Variants in TRAPPC8 observed in about 807,000 individuals in gnomAD.
TRAPPC8 encodes the protein general sporulation gene 1 homolog.
In TRAPPC8, 54 loss-of-function variants were observed where a neutral mutation model predicts 174.3. That is an observed-to-expected ratio of 0.31 (90% confidence interval 0.25 to 0.39). The LOEUF (loss-of-function observed/expected upper bound fraction) is 0.39. Ranked by LOEUF, TRAPPC8 falls within the 10% of genes least tolerant of loss-of-function variation. TRAPPC8 has a pLI of 1.00. For synonymous variants in TRAPPC8, 630 were observed against 579.9 expected (o/e 1.09, Z -1.24); for missense variants, 1,531 against 1,699.1 (o/e 0.90, Z 1.74).
chr18:31,904,960 GT>G (rs1737068543), intron 9 of TRAPPC8, among the ~76,000 whole-genome samples: 1 of 151,596 alleles, frequency 6.6e-6, no homozygotes, highest in Non-Finnish European at 1.5e-5. Context: ...AACCCAGGAG[GT>G]GGAGGATGCA....
intron 25 of TRAPPC8, among the ~76,000 whole-genome samples, chr18:31,848,469 A>G (rs2033528427): frequency 6.6e-6 from 1 of 152,206 alleles, no homozygotes; most frequent in Non-Finnish European, 1.5e-5. Flanking sequence ...ATATGATTCT[A>G]AAGTTCGGAA....
rs2032329087 is a variant in TRAPPC8, at chr18:31,830,987, G to A, written c.4076C>T (p.Pro1359Leu). ...IVDLRHKTTS[P>L]EALEIHGSFT... Reference sequence around the variant, plus strand: ...TGATCCATGGATTTCCAGTGCTTCTGGACTAAGGGAGGAGGAAAATGTAAG... The same window carrying A: ...TGATCCATGGATTTCCAGTGCTTCTAGACTAAGGGAGGAGGAAAATGTAAG... Residue 1359 changes from proline (P) to leucine (L), a missense_variant and splice_region_variant, in exon 29 of 29, where the codon CCA becomes CTA. Pro to Leu is a moderately conservative substitution (Grantham distance 98). Coordinates refer to ENST00000283351, the MANE Select transcript of TRAPPC8 (RefSeq NM_014939.5). 1 of 1,593,466 alleles carries A rather than the reference G, an allele frequency of 6.3e-7. No individual in the cohort carries two copies. The highest frequency in any genetic ancestry group is 8.6e-7 in the Non-Finnish European group (1 of 1,169,472).
At chr18:31,918,198 C>T (rs1232884408) in intron 2 of TRAPPC8, among the ~76,000 whole-genome samples, 1 of 151,962 alleles carries the variant, frequency 6.6e-6, no homozygotes, top group Middle Eastern at 3.2e-3. Context: ...AGAATATATT[C>T]ACACAAGAAT....
chr18:31,889,465 T>G (rs974313639), intron 12 of TRAPPC8, among the ~76,000 whole-genome samples: 1 of 152,186 alleles, frequency 6.6e-6, no homozygotes, highest in East Asian at 1.9e-4. Context: ...TAATGGGACA[T>G]ATATTTTCTT....
intron 28 of TRAPPC8, 94 bp downstream of exon 28, chr18:31,831,990 T>C (rs2032401414): frequency 2.5e-6 from 2 of 815,150 alleles, no homozygotes; most frequent in Non-Finnish European, 3.7e-6. Context: ...CAAGCTTGAG[T>C]AACTTTCTTA....
chr18:31,852,539 T>C (rs774626140), intron 23 of TRAPPC8, 35 bp from the exon 24 acceptor site: 5 of 1,613,974 alleles, frequency 3.1e-6, no homozygotes, highest in South Asian at 1.1e-5. Context: ...AATCATATCA[T>C]TGGCATAAAA....
At position 31,834,251 on chromosome 18, in the gene TRAPPC8, C is replaced by T. The variant is rs573993474; in HGVS notation, c.3984-2078G>A. Among the ~76,000 whole-genome samples the T allele has an allele frequency of 4.6e-5, 7 of 151,956 alleles. No homozygotes were observed. In the East Asian group the frequency reaches 5.9e-4, roughly 13 times the overall value. On this transcript the variant is annotated intron_variant, in intron 27 of 28. Coordinates refer to ENST00000283351, the MANE Select transcript of TRAPPC8 (RefSeq NM_014939.5). The stretch of plus-strand genomic sequence containing the variant: ...CCTCCCCAGTAGCTGGGATTACAAG[C>T]GCTCGCCACCACACCCGGCTAATTT...
intron 2 of TRAPPC8, among the ~76,000 whole-genome samples, chr18:31,930,594 T>C (rs1000471592): frequency 6.6e-6 from 1 of 152,198 alleles, no homozygotes; most frequent in Non-Finnish European, 1.5e-5. Flanking sequence ...TTTTTAATAT[T>C]GGAAAACAGT....
chr18:31,840,097 G>A (rs138042669), intron 26 of TRAPPC8, among the ~76,000 whole-genome samples: 9 of 152,242 alleles, frequency 5.9e-5, no homozygotes, highest in Admixed American at 2.6e-4. Context: ...GGTGGCTCAC[G>A]TCTGTAATCC....
At chr18:31,862,801 T>G (rs2034396042) in intron 19 of TRAPPC8, among the ~76,000 whole-genome samples, 1 of 151,938 alleles carries the variant, frequency 6.6e-6, no homozygotes, top group African/African-American at 2.4e-5. Context: ...TTAAAAGAGT[T>G]CCCAAGCACT....
rs113974753 is a variant in TRAPPC8, at chr18:31,874,087, C to T, written c.1953+393G>A. 1.8e-3 allele frequency: 420 copies of T among 231,048 alleles called. 2 individuals carry two copies. The highest frequency in any genetic ancestry group is 8.6e-3 in the African/African-American group (376 of 43,858). 14.3% of individuals were successfully genotyped at this position (231,048 alleles called of 1,614,324 possible). A position where few individuals can be genotyped will look rare whatever the true frequency, so the allele number is the denominator to read the frequency against. On this transcript the variant is annotated intron_variant, in intron 13 of 28. Coordinates refer to ENST00000283351, the MANE Select transcript of TRAPPC8 (RefSeq NM_014939.5). ...TCTACTTTCCACAGATCCATACCCC[C>T]TCATCTTTCACAAGGAAAAGAACAT... is the stretch of plus-strand genomic sequence containing the variant.
intron 12 of TRAPPC8, among the ~76,000 whole-genome samples, chr18:31,885,294 C>G (rs1376159271): frequency 6.6e-6 from 1 of 152,188 alleles, no homozygotes; most frequent in African/African-American, 2.4e-5. Context: ...TGAATCTCAT[C>G]ATGAAAATAG....
rs535697410 is a variant in TRAPPC8 at position 31,884,353 on chromosome 18, T to C, written c.1728+6382A>G. On this transcript the variant is annotated intron_variant, in intron 12 of 28. Coordinates refer to ENST00000283351, the MANE Select transcript of TRAPPC8 (RefSeq NM_014939.5). The stretch of plus-strand genomic sequence containing the variant: ...ACCACTGCACTGGCCTGAATGGAAA[T>C]ACCAGCGTGTGCTAAAACTGCATGT... Among the ~76,000 whole-genome samples the C allele has an allele frequency of 2.6e-5, 4 of 152,356 alleles. No homozygotes were observed. The South Asian group carries it at 6.2e-4, about 24-fold the overall frequency.
intron 12 of TRAPPC8, among the ~76,000 whole-genome samples, chr18:31,880,591 A>T (rs1479269712): frequency 7.2e-5 from 11 of 152,098 alleles, no homozygotes; most frequent in Admixed American, 2.6e-4. Context: ...GGGGAACAAG[A>T]CAAGGATGTA....
chr18:31,855,946 T>A, intron 20 of TRAPPC8, 139 bp from the exon 21 acceptor site: 1 of 927,094 alleles, frequency 1.1e-6, no homozygotes, highest in Non-Finnish European at 1.5e-6. Flanking sequence ...ATACATTAAG[T>A]AAAATTACAT....
intron 13 of TRAPPC8, 69 bp downstream of exon 13, chr18:31,874,411 T>C (rs2035039932): frequency 4.2e-6 from 6 of 1,415,072 alleles, no homozygotes; most frequent in Non-Finnish European, 5.9e-6. Context: ...TAAGATATGG[T>C]AATAAATAAA....
chr18:31,909,524 T>C (rs76484420), intron 6 of TRAPPC8, 143 bp downstream of exon 6: 90,751 of 1,372,540 alleles, frequency 0.066, 3,179 homozygotes, highest in Middle Eastern at 0.092. Context: ...CTCAGTAAAA[T>C]CTTCAGAAGA....
At chr18:31,903,176 T>TC (rs1255580884) in intron 9 of TRAPPC8, among the ~76,000 whole-genome samples, 1 of 152,016 alleles carries the variant, frequency 6.6e-6, no homozygotes, top group Admixed American at 6.6e-5. Flanking sequence ...GCAACAATTT[T>TC]CCACCCAGAG....
At chr18:31,917,119 C>T (rs1045093340) in intron 3 of TRAPPC8, among the ~76,000 whole-genome samples, 5 of 140,058 alleles carry the variant, frequency 3.6e-5, no homozygotes, top group Non-Finnish European at 6.6e-5. Context: ...TCTTAACTTT[C>T]GTCAGTAACC....
Sources: allele counts gnomAD v4.1 joint callset (sites outside exome capture counted in the v4.1 genomes callset), GRCh38; gene constraint gnomAD v4.1.1; transcripts MANE v1.5; gene names NCBI Gene and HGNC (gene_info 2026-07-23, HGNC 2026-07-21).